CKAP5: variants seen among roughly 807,000 people sequenced by gnomAD.
CKAP5 encodes the protein cytoskeleton associated protein 5.
A neutral mutation model predicts 232.8 loss-of-function variants in CKAP5; 27 were observed. The ratio of observed to expected loss-of-function variants is 0.12; its 90% CI spans 0.09 to 0.16. CKAP5 has a LOEUF of 0.16. Ranked by LOEUF, CKAP5 falls within the 10% of genes least tolerant of loss-of-function variation. The pLI is 1.00. For synonymous variants in CKAP5, 785 were observed against 841.1 expected, an observed-to-expected ratio of 0.93 and a Z score of 1.16; for missense variants, 1,838 against 2,424.7, an observed-to-expected ratio of 0.76 and a Z score of 5.08.
At chr11:46,774,659 G>A (rs920337333) in intron 24 of CKAP5, among the ~76,000 whole-genome samples, 3 of 152,116 alleles carry the variant, frequency 2.0e-5, no homozygotes, top group African/African-American at 7.2e-5. Context: ...CAATGGAACA[G>A]AACAGAGGCC....
At position 46,762,199 on chromosome 11, in the gene CKAP5, G is replaced by C. The variant is rs1381006226; in HGVS notation, c.4028-6C>G. 24 of 1,612,232 alleles carry C rather than the reference G, an allele frequency of 1.5e-5. No homozygotes were observed. The highest frequency in any genetic ancestry group is 2.0e-5 in the Non-Finnish European group (24 of 1,178,956). ...TCCCAGCTCTTCCAGGCACTCTGAT[G>C]GGGGAGAAAGGCTAGATTAATGAGA... is the stretch of plus-strand genomic sequence containing the variant. On this transcript the variant is annotated splice_polypyrimidine_tract_variant and splice_region_variant and intron_variant, in intron 31 of 43. Coordinates refer to ENST00000529230, the MANE Select transcript of CKAP5 (RefSeq NM_001008938.4).
intron 34 of CKAP5, 89 bp downstream of exon 34, chr11:46,759,179 GT>G (rs1592437802): frequency 2.6e-6 from 4 of 1,512,848 alleles, no homozygotes; most frequent in Non-Finnish European, 3.6e-6. Context: ...GTTCTAAAAA[GT>G]TTTAACTGCA....
chr11:46,795,982 G>A (rs1229556090), intron 12 of CKAP5, among the ~76,000 whole-genome samples: 4 of 152,002 alleles, frequency 2.6e-5, no homozygotes, highest in Non-Finnish European at 5.9e-5. Context: ...TGGCCAACAT[G>A]GTGAAACCCC....
intron 26 of CKAP5, among the ~76,000 whole-genome samples, chr11:46,768,206 G>A (rs965121277): frequency 6.6e-6 from 1 of 151,858 alleles, no homozygotes; most frequent in Non-Finnish European, 1.5e-5. Flanking sequence ...AGTTTCATTT[G>A]TTTGTTTAGA....
At chr11:46,818,799 G>A (rs779696199) in intron 2 of CKAP5, among the ~76,000 whole-genome samples, 1 of 152,028 alleles carries the variant, frequency 6.6e-6, no homozygotes, top group Non-Finnish European at 1.5e-5. Flanking sequence ...TTATAATATT[G>A]TATTAAAGAT....
At chr11:46,829,051 C>T (rs901145899) in intron 1 of CKAP5, among the ~76,000 whole-genome samples, 2 of 152,082 alleles carry the variant, frequency 1.3e-5, no homozygotes, top group East Asian at 1.9e-4. Context: ...ATGAGACATT[C>T]GTCTATACAA....
rs551476722 is a variant in CKAP5, at chr11:46,801,257, T to C, written c.1026A>G (p.Lys342=). 8.1e-6 allele frequency: 13 copies of C among 1,613,798 alleles called. No individual in the cohort carries two copies. In the South Asian group the frequency reaches 1.3e-4, roughly 16 times the overall value. Residue 342 remains lysine, a synonymous_variant, in exon 9 of 44, where the codon AAA becomes AAG. Transcript: ENST00000529230. ...TNVMLVALAA[K]CLTGLAVGLR... is the part of the protein sequence containing the mutation. ...GCCCAACAGCCAGGCCAGTAAGACA[T>C]TTTGCTGCCAAAGCCACCAACATGA...
chr11:46,754,023 G>C (rs1213014647), intron 36 of CKAP5, among the ~76,000 whole-genome samples: 2 of 151,888 alleles, frequency 1.3e-5, no homozygotes, highest in East Asian at 3.9e-4. Flanking sequence ...TTTTGAGACA[G>C]AGTCTTGCTC....
intron 1 of CKAP5, among the ~76,000 whole-genome samples, chr11:46,836,355 C>T (rs1467509350): frequency 6.6e-6 from 1 of 152,088 alleles, no homozygotes; most frequent in Admixed American, 6.6e-5. Context: ...AAAAAGTTTC[C>T]TCTTAAAAAA....
Position 46,748,576 on chromosome 11 carries a change from C to T in CKAP5, c.5704+1698G>A, listed in dbSNP as rs1034191659. ...GATCACGAGGTCAGGAGATCAAGAC[C>T]AGCCTGGCCAACATGGTGAAACCCC... On this transcript the variant is annotated intron_variant, in intron 42 of 43. Coordinates refer to ENST00000529230, the MANE Select transcript of CKAP5 (RefSeq NM_001008938.4). Among the ~76,000 whole-genome samples, 22 of 152,184 alleles carry T rather than the reference C, an allele frequency of 1.4e-4. 1 individual carries two copies. The highest frequency in any genetic ancestry group is 6.8e-3 in the Middle Eastern group (2 of 294).
chr11:46,808,213 C>T (rs1401721243), intron 7 of CKAP5, 69 bp from the exon 8 acceptor site: 1 of 1,003,212 alleles, frequency 1.0e-6, no homozygotes, highest in East Asian at 2.4e-5. Context: ...ATTTATTGCA[C>T]TCTGCTAATT....
intron 1 of CKAP5, among the ~76,000 whole-genome samples, chr11:46,831,656 G>A (rs1046360285): frequency 1.3e-5 from 2 of 151,380 alleles, no homozygotes; most frequent in Admixed American, 6.6e-5. Context: ...AGCCTCCTGA[G>A]TAGCTAGGAC....
rs914569426 is a variant in CKAP5, at chr11:46,801,234, C to G, written c.1049G>C (p.Gly350Ala). The change falls in exon 9 of 44, where the codon GGG becomes GCG. Residue 350 changes from glycine (G) to alanine (A), a missense_variant. This residue lies in a region of CKAP5 where 97 missense variants were observed against 167.7 expected (regional missense o/e 0.58). Transcript: ENST00000529230. Reference protein sequence around the residue: ...AAKCLTGLAVGLRKKFGQYAG... With the variant: ...AAKCLTGLAVALRKKFGQYAG... ...ATATTGTCCAAATTTCTTCCTTAGC[C>G]CAACAGCCAGGCCAGTAAGACATTT... The G allele has an allele frequency of 6.2e-7, 1 of 1,613,632 alleles. No individual in the cohort carries two copies. Among genetic ancestry groups the G allele is most frequent in the African/African-American group, 1.3e-5 (1 of 74,912 alleles).
At chr11:46,773,343 G>A (rs1314384483) in intron 24 of CKAP5, among the ~76,000 whole-genome samples, 2 of 151,102 alleles carry the variant, frequency 1.3e-5, no homozygotes, top group East Asian at 2.0e-4. Flanking sequence ...TCCGCCTCCC[G>A]GTTCAAGTGA....
At chr11:46,765,291 G>A in intron 27 of CKAP5, 35 bp from the exon 28 acceptor site, 1 of 1,559,574 alleles carries the variant, frequency 6.4e-7, no homozygotes, top group African/African-American at 1.4e-5. Context: ...TGATTAGCTT[G>A]GCCACTTCTC....
chr11:46,827,966 T>C (rs751266446), intron 1 of CKAP5, among the ~76,000 whole-genome samples: 1 of 152,206 alleles, frequency 6.6e-6, no homozygotes, highest in Non-Finnish European at 1.5e-5. Flanking sequence ...AGGAAAGATA[T>C]GTGCTTTTTT....
intron 42 of CKAP5, among the ~76,000 whole-genome samples, chr11:46,746,446 T>C (rs759560914): frequency 6.6e-6 from 1 of 152,226 alleles, no homozygotes; most frequent in Non-Finnish European, 1.5e-5. Context: ...GGATACATTC[T>C]GAGAAATGCA....
intron 18 of CKAP5, among the ~76,000 whole-genome samples, chr11:46,780,997 C>T (rs2065336881): frequency 1.3e-5 from 2 of 152,190 alleles, no homozygotes; most frequent in Admixed American, 1.3e-4. Context: ...AATTACAACT[C>T]CTAAATCCAA....
At chr11:46,839,005 G>C (rs145725629) in intron 1 of CKAP5, among the ~76,000 whole-genome samples, 252 of 152,018 alleles carry the variant, frequency 1.7e-3, no homozygotes, top group African/African-American at 5.5e-3. Context: ...GTTTGTTGCA[G>C]GCATTGTTGA....
Sources: gnomAD v4.1 joint callset for allele counts (sites outside exome capture counted in the v4.1 genomes callset) on GRCh38, gnomAD v4.1.1 for gene constraint, gnomAD v4.1.1 regional missense constraint, MANE v1.5 for transcripts, NCBI Gene and HGNC (gene_info 2026-07-23, HGNC 2026-07-21) for gene names.